The following UGT2B28 variants were observed in gnomAD, a reference collection of about 807,000 sequenced individuals.
UGT2B28 encodes the protein UDP-glucuronosyltransferase 2B28.
A neutral mutation model predicts 43.6 loss-of-function variants in UGT2B28; 45 were observed. The ratio of observed to expected loss-of-function variants is 1.03; its 90% CI spans 0.81 to 1.32. The LOEUF (loss-of-function observed/expected upper bound fraction) is 1.32. UGT2B28 is among the 40% of genes most tolerant of loss of function. UGT2B28 has a pLI of 0.00. For synonymous variants in UGT2B28, 204 were observed against 208.1 expected (o/e 0.98, Z 0.17); for missense variants, 649 against 625.5 (o/e 1.04, Z -0.40).
intron 5 of UGT2B28, among the ~76,000 whole-genome samples, chr4:69,294,119 C>T (rs1213716923): frequency 1.4e-5 from 2 of 139,744 alleles, no homozygotes; most frequent in Non-Finnish European, 3.0e-5. Context: ...GTTCATAATA[C>T]AAAGGATAAA....
In UGT2B28 at chr4:69,280,720, C is replaced by T. The variant is rs577969599; in HGVS notation, c.220C>T (p.Leu74Phe). 4.5e-6 allele frequency: 7 copies of T among 1,560,562 alleles called. 1 individual carries two copies. The highest frequency in any genetic ancestry group is 6.1e-6 in the Non-Finnish European group (7 of 1,155,922). Residue 74 changes from leucine to phenylalanine, a missense_variant, in exon 1 of 6, where the codon CTC becomes TTC. Leu to Phe is a conservative substitution (Grantham distance 22, BLOSUM62 0). Coordinates refer to ENST00000335568, the MANE Select transcript of UGT2B28 (RefSeq NM_053039.2). ...TCCCAATGACGCATTCACTCTTAAA[C>T]TCGAAGTTTATCCTACATCTTTAAC... ...FDPNDAFTLK[L>F]EVYPTSLTKT...
At chr4:69,285,216 A>G (rs964421407) in intron 2 of UGT2B28, among the ~76,000 whole-genome samples, 2 of 140,330 alleles carry the variant, frequency 1.4e-5, no homozygotes, top group Non-Finnish European at 3.0e-5. Flanking sequence ...CTATATAAAT[A>G]GGACAAAATC....
Position 69,282,704 on chromosome 4 carries a change from T to A in UGT2B28, c.870+42T>A, listed in dbSNP as rs185810383. 1,852 of 1,531,968 alleles carry A rather than the reference T, an allele frequency of 1.2e-3. 391 individuals carry two copies. The African/African-American group carries it at 0.025, about 21-fold the overall frequency. The allele number at this position is 1,531,968 out of a possible 1,614,324, so 94.9% of individuals were successfully genotyped here. On this transcript the variant is annotated intron_variant, in intron 2 of 5. Coordinates refer to ENST00000335568, the MANE Select transcript of UGT2B28 (RefSeq NM_053039.2). Reference sequence around the variant, plus strand: ...TGGTTTTATTTTGTTGGCTTCGAAGTTTCAGTAGAAATGAGTCTATAGCCT... The same window carrying A: ...TGGTTTTATTTTGTTGGCTTCGAAGATTCAGTAGAAATGAGTCTATAGCCT...
rs1723891736 is a variant in UGT2B28, at chr4:69,289,756, A to G, written c.1090+4A>G. The G allele has an allele frequency of 1.3e-6, 2 of 1,543,534 alleles. No individual in the cohort carries two copies. The highest frequency in any genetic ancestry group is 3.7e-5 in the Admixed American group (2 of 54,286). On this transcript the variant is annotated splice_donor_region_variant and intron_variant, in intron 4 of 5. Coordinates refer to ENST00000335568, the MANE Select transcript of UGT2B28 (RefSeq NM_053039.2). ...ATACCCCAGAATGACCTTCTAGGTA[A>G]CACTCTGGTGAACAAATACTGGATA...
chr4:69,291,678 A>T lies in UGT2B28; in HGVS notation c.1310+867A>T, dbSNP rs537135523. On this transcript the variant is annotated intron_variant, in intron 5 of 5. Transcript: ENST00000335568. ...CTTTTGATTGTTTCCAATTGTGGCT[A>T]CTAAGAATATTGCTATACATGTCTT... Among the ~76,000 whole-genome samples, 13 of 140,790 alleles carry T rather than the reference A, an allele frequency of 9.2e-5. 2 individuals carry two copies. Among genetic ancestry groups the T allele is most frequent in the Non-Finnish European group, 1.7e-4 (11 of 65,760 alleles). The allele number at this position is 140,790 out of a possible 152,430, so 92.4% of individuals were successfully genotyped here.
intron 3 of UGT2B28, among the ~76,000 whole-genome samples, chr4:69,288,520 T>C (rs190985864): frequency 0.05 from 6,926 of 139,896 alleles, 1,196 homozygotes; most frequent in East Asian, 0.22. Context: ...TTTATTACAC[T>C]AGAATTACAA....
chr4:69,293,452 T>G (rs1308381443), intron 5 of UGT2B28, among the ~76,000 whole-genome samples: 1 of 140,182 alleles, frequency 7.1e-6, no homozygotes, highest in African/African-American at 2.8e-5. Flanking sequence ...ATGAGATATA[T>G]AAATCATTTA....
At chr4:69,289,229 C>T (rs1425724149) in intron 3 of UGT2B28, among the ~76,000 whole-genome samples, 1 of 139,682 alleles carries the variant, frequency 7.2e-6, no homozygotes, top group Non-Finnish European at 1.5e-5. Flanking sequence ...CATTCCTTTT[C>T]TATACAATCT....
chr4:69,281,113 A>C lies in UGT2B28; in HGVS notation c.613A>C (p.Met205Leu), dbSNP rs766214321. 5 of 1,559,376 alleles carry C rather than the reference A, an allele frequency of 3.2e-6. No individual in the cohort carries two copies. Among genetic ancestry groups the C allele is most frequent in the South Asian group, 1.2e-5 (1 of 84,194 alleles). The change falls in exon 1 of 6, where the codon ATG becomes CTG. Residue 205 changes from methionine to leucine, a missense_variant. Met to Leu is a conservative substitution (Grantham distance 15). Coordinates refer to ENST00000335568, the MANE Select transcript of UGT2B28 (RefSeq NM_053039.2). ...TGTTATGTCAAAATTAAGTGATCAAATGACTTTCATGGAGAGGGTAAAAAA... is the reference window on the plus strand; with the variant it reads ...TGTTATGTCAAAATTAAGTGATCAACTGACTTTCATGGAGAGGGTAAAAAA... ...PVVMSKLSDQ[M>L]TFMERVKNMI... is the part of the protein sequence containing the mutation.
At chr4:69,292,353 T>C (rs997922321) in intron 5 of UGT2B28, among the ~76,000 whole-genome samples, 1 of 140,280 alleles carries the variant, frequency 7.1e-6, no homozygotes, top group Non-Finnish European at 1.5e-5. Flanking sequence ...TCTAAAGGAA[T>C]GCTTTAAAAA....
chr4:69,293,827 C>A (rs560990951), intron 5 of UGT2B28, among the ~76,000 whole-genome samples: 1 of 140,116 alleles, frequency 7.1e-6, no homozygotes, highest in Non-Finnish European at 1.5e-5. Context: ...AATGAGAAGC[C>A]AGGCAAAAAT....
intron 2 of UGT2B28, among the ~76,000 whole-genome samples, chr4:69,283,704 T>C (rs1405062935): frequency 7.1e-6 from 1 of 140,902 alleles, no homozygotes; most frequent in Non-Finnish European, 1.5e-5. Flanking sequence ...GGTTATTTTG[T>C]TATTATTACC....
chr4:69,288,120 C>A (rs1304644861), intron 3 of UGT2B28, among the ~76,000 whole-genome samples: 7 of 128,156 alleles, frequency 5.5e-5, no homozygotes, highest in Non-Finnish European at 1.1e-4. Context: ...TATTTTTATT[C>A]ATGATTCCAA....
In UGT2B28 at chr4:69,281,044, AG is replaced by A. The variant is rs764085145; in HGVS notation, c.546del (p.Arg182SerfsTer6). ...CTTCACTCCTGGCTACACAATTGAAAGGCACAGTGGAGGACTGATTTTCCCT... is the reference window on the plus strand; with the variant it reads ...CTTCACTCCTGGCTACACAATTGAAAGCACAGTGGAGGACTGATTTTCCCT... ...LCFTPGYTIE[R>X]HSGGLIFPPS... On this transcript the variant is annotated frameshift_variant, in exon 1 of 6. Transcript: ENST00000335568. LOFTEE classifies it high-confidence loss of function. 3.5e-5 allele frequency: 55 copies of A among 1,559,330 alleles called. 8 individuals are homozygous for A. Among genetic ancestry groups the A allele is most frequent in the Non-Finnish European group, 4.5e-5 (52 of 1,155,316 alleles).
At chr4:69,281,624 T>G (rs1158030778) in intron 1 of UGT2B28, among the ~76,000 whole-genome samples, 1 of 141,130 alleles carries the variant, frequency 7.1e-6, no homozygotes, top group Non-Finnish European at 1.5e-5. Flanking sequence ...GCAGAAAGTT[T>G]TCCTTGTAAA....
chr4:69,289,442 T>C (rs1723880144), intron 3 of UGT2B28, among the ~76,000 whole-genome samples: 1 of 140,982 alleles, frequency 7.1e-6, no homozygotes, highest in South Asian at 2.3e-4. Context: ...TCATTGATAA[T>C]CTTATTTTTC....
chr4:69,294,314 C>T (rs1724040105), intron 5 of UGT2B28, among the ~76,000 whole-genome samples: 1 of 138,882 alleles, frequency 7.2e-6, no homozygotes, highest in Admixed American at 7.2e-5. Flanking sequence ...TCTCACCTGA[C>T]CTTCCATTTC....
chr4:69,291,592 G>A lies in UGT2B28; in HGVS notation c.1310+781G>A, dbSNP rs1723957035. Among the ~76,000 whole-genome samples the A allele has an allele frequency of 2.1e-5, 3 of 140,496 alleles. 1 individual carries two copies. The highest frequency in any genetic ancestry group is 4.6e-5 in the Non-Finnish European group (3 of 65,692). The allele number at this position is 140,496 out of a possible 152,430, so 92.2% of individuals were successfully genotyped here. A position where few individuals can be genotyped will look rare whatever the true frequency, so the allele number is the denominator to read the frequency against. On this transcript the variant is annotated intron_variant, in intron 5 of 5. Coordinates refer to ENST00000335568, the MANE Select transcript of UGT2B28 (RefSeq NM_053039.2). ...TTAATACTTCATTTCCTTTACACTT[G>A]TGTAATATTTTATAGTATGGATATG...
intron 4 of UGT2B28, 103 bp from the exon 5 acceptor site, chr4:69,290,489 A>T: frequency 7.2e-7 from 1 of 1,392,112 alleles, no homozygotes; most frequent in Non-Finnish European, 9.7e-7. Flanking sequence ...ATGGCAAATT[A>T]GTTTAATGTG....
Sources: allele counts gnomAD v4.1 joint callset (sites outside exome capture counted in the v4.1 genomes callset), GRCh38; gene constraint gnomAD v4.1.1; transcripts MANE v1.5; gene names NCBI Gene and HGNC (gene_info 2026-07-23, HGNC 2026-07-21).